The following ZNFX1 variants were observed in gnomAD, a reference collection of about 807,000 sequenced individuals.
The protein encoded by ZNFX1 is zinc finger NFX1-type containing 1.
ZNFX1 carries 78 observed loss-of-function variants against 179.8 expected under a neutral mutation model. That is an observed-to-expected ratio of 0.43 (90% confidence interval 0.36 to 0.52). The LOEUF is 0.52. Among genes scored for constraint, ZNFX1 ranks in the 20% least tolerant of loss-of-function variants. ZNFX1 has a pLI of 0.00. For synonymous variants in ZNFX1, 848 were observed against 868.5 expected, an observed-to-expected ratio of 0.98 and a Z score of 0.42; for missense variants, 1,927 against 2,386.6, an observed-to-expected ratio of 0.81 and a Z score of 4.01.
intron 4 of ZNFX1, 52 bp from the exon 5 acceptor site, chr20:49,264,916 C>G: frequency 6.2e-7 from 1 of 1,612,770 alleles, no homozygotes; most frequent in Non-Finnish European, 8.5e-7. Context: ...ATGCTAGGTT[C>G]TCTCAGGTGA....
chr20:49,269,054 T>C (rs185590233), intron 3 of ZNFX1, among the ~76,000 whole-genome samples: 1 of 152,324 alleles, frequency 6.6e-6, no homozygotes, highest in East Asian at 1.9e-4. Context: ...GACACATGCA[T>C]ATGCATGTTC....
chr20:49,255,042 CTT>C (rs529416151), intron 9 of ZNFX1, among the ~76,000 whole-genome samples: 8 of 137,124 alleles, frequency 5.8e-5, no homozygotes, highest in Admixed American at 2.2e-4. Context: ...CTTTCTACTA[CTT>C]TTTTTTTTTT....
At position 49,263,349 on chromosome 20, in the gene ZNFX1, C is replaced by T; in HGVS notation, c.2286G>A (p.Met762Ile). ...TGACCCCTACCTGCACTGGTCCATT[C>T]ATGAGACTTTCCCAGTGCTGGGGTG... Reference protein sequence around the residue: ...YISPQHWESLMNGPVQDSEWI... With the variant: ...YISPQHWESLINGPVQDSEWI... The change falls in exon 6 of 14, where the codon ATG (methionine) becomes ATA (isoleucine). Residue 762 changes from methionine to isoleucine, a missense_variant. Met to Ile is a conservative substitution (Grantham distance 10). Coordinates refer to ENST00000396105, the MANE Select transcript of ZNFX1 (RefSeq NM_021035.3). 6.2e-7 allele frequency: 1 copy of T among 1,613,514 alleles called. No individual in the cohort carries two copies. Among genetic ancestry groups the T allele is most frequent in the Non-Finnish European group, 8.5e-7 (1 of 1,180,024 alleles).
intron 8 of ZNFX1, 140 bp downstream of exon 8, chr20:49,257,277 C>T: frequency 8.2e-7 from 1 of 1,219,674 alleles, no homozygotes. Context: ...ATCACTAAAG[C>T]CATCTCATAC....
chr20:49,275,603 C>A (rs78267007), intron 2 of ZNFX1, among the ~76,000 whole-genome samples, 176 bp downstream of exon 2: 1 of 152,138 alleles, frequency 6.6e-6, no homozygotes, highest in Non-Finnish European at 1.5e-5. Context: ...ACAATCCTCC[C>A]GCCTCAGGCT....
Position 49,249,616 on chromosome 20 carries a change from A to G in ZNFX1, c.3408T>C (p.Phe1136=). The G allele has an allele frequency of 6.2e-7, 1 of 1,614,236 alleles. No homozygotes were observed. Among genetic ancestry groups the G allele is most frequent in the Non-Finnish European group, 8.5e-7 (1 of 1,180,042 alleles). The change falls in exon 14 of 14, where the codon TTT becomes TTC. Residue 1136 remains phenylalanine (F), a synonymous_variant. Transcript: ENST00000396105. ...KSHQNQHEAH[F]VVELCKYFLC... ...GGAAGTACTTGCACAGCTCTACCAC[A>G]AAGTGAGCCTCATGCTGGTTCTGAT...
intron 3 of ZNFX1, among the ~76,000 whole-genome samples, chr20:49,269,413 G>A (rs1419735459): frequency 4.6e-5 from 7 of 152,258 alleles, no homozygotes; most frequent in African/African-American, 9.6e-5. Context: ...TGAGTGCAGC[G>A]GCTCACACCT....
In ZNFX1 at chr20:49,275,959, A is replaced by G. The variant is rs1340685563; in HGVS notation, c.-48-72T>C. The G allele has an allele frequency of 2.4e-5, 22 of 901,782 alleles. No homozygotes were observed. The East Asian group carries it at 5.2e-4, about 21-fold the overall frequency. The allele number at this position is 901,782 out of a possible 1,614,324, so 55.9% of individuals were successfully genotyped here. On this transcript the variant is annotated intron_variant, in intron 1 of 13. Transcript: ENST00000396105. Reference sequence around the variant, plus strand: ...GCAAAAACCCAAACACCATCAAGCCAGTCCTTCTGCCTTTGTTAACATTTT... The same window carrying G: ...GCAAAAACCCAAACACCATCAAGCCGGTCCTTCTGCCTTTGTTAACATTTT...
chr20:49,269,809 C>A, intron 3 of ZNFX1, 133 bp downstream of exon 3: 1 of 1,083,152 alleles, frequency 9.2e-7, no homozygotes, highest in Non-Finnish European at 1.3e-6. Context: ...GCACATGTAC[C>A]CCTAAACCTA....
intron 3 of ZNFX1, among the ~76,000 whole-genome samples, chr20:49,268,796 T>G (rs1981308987): frequency 6.6e-6 from 1 of 152,106 alleles, no homozygotes; most frequent in Non-Finnish European, 1.5e-5. Flanking sequence ...ACAATGAGAT[T>G]CCATCTCACA....
intron 13 of ZNFX1, 87 bp from the exon 14 acceptor site, chr20:49,249,798 CT>C (rs1161834921): frequency 1.5e-5 from 22 of 1,436,012 alleles, no homozygotes. Flanking sequence ...TGGCCACTTA[CT>C]CTGCTCCAGA....
At chr20:49,261,111 A>G (rs1371382257) in intron 6 of ZNFX1, among the ~76,000 whole-genome samples, 2 of 152,072 alleles carry the variant, frequency 1.3e-5, no homozygotes, top group Admixed American at 1.3e-4. Context: ...GCATGCACAT[A>G]TAATCCCAGT....
At position 49,249,401 on chromosome 20, in the gene ZNFX1, A is replaced by C; in HGVS notation, c.3623T>G (p.Val1208Gly). 1 of 1,614,192 alleles carries C rather than the reference A, an allele frequency of 6.2e-7. No homozygotes were observed. The highest frequency in any genetic ancestry group is 8.5e-7 in the Non-Finnish European group (1 of 1,180,032). Residue 1208 changes from valine (V) to glycine (G), a missense_variant, in exon 14 of 14, where the codon GTG becomes GGG. Transcript: ENST00000396105. ...GCGGTTGGATATCTGCAGAAAACCC[A>C]CCTTGCCTTCTTGGTTGCTCCGCAC... is the stretch of plus-strand genomic sequence containing the variant. ...SLVRSNQEGK[V>G]GFLQISNRIC...
In ZNFX1 at chr20:49,247,924, A is replaced by G. The variant is rs1980721284; in HGVS notation, c.5100T>C (p.Gly1700=). ...AQKNLSVKDL[G]LVENYISFYD... ...AGAAGCTGATGTAATTCTCAACCAG[A>G]CCCAGGTCCTTCACTGACAGATTTT... The change falls in exon 14 of 14, where the codon GGT becomes GGC. Residue 1700 remains glycine (G), a synonymous_variant. Coordinates refer to ENST00000396105, the MANE Select transcript of ZNFX1 (RefSeq NM_021035.3). 1 of 1,613,970 alleles carries G rather than the reference A, an allele frequency of 6.2e-7. No individual in the cohort carries two copies. Among genetic ancestry groups the G allele is most frequent in the Non-Finnish European group, 8.5e-7 (1 of 1,179,986 alleles).
At chr20:49,265,545 T>C (rs1981214932) in intron 4 of ZNFX1, among the ~76,000 whole-genome samples, 1 of 152,154 alleles carries the variant, frequency 6.6e-6, no homozygotes, top group South Asian at 2.1e-4. Context: ...AATAAAGATT[T>C]ATCTAGGTGA....
chr20:49,253,011 G>A (rs1980882525), intron 11 of ZNFX1, among the ~76,000 whole-genome samples, 181 bp from the exon 12 acceptor site: 1 of 152,156 alleles, frequency 6.6e-6, no homozygotes, highest in African/African-American at 2.4e-5. Context: ...TAGAACTAAA[G>A]GTGATATGAC....
chr20:49,252,647 T>C, intron 12 of ZNFX1, 73 bp downstream of exon 12: 1 of 1,061,046 alleles, frequency 9.4e-7, no homozygotes, highest in Non-Finnish European at 1.5e-6. Flanking sequence ...TGAGACCTCT[T>C]TTGCTGGCAA....
intron 2 of ZNFX1, among the ~76,000 whole-genome samples, chr20:49,273,349 G>A (rs532781389): frequency 6.6e-6 from 1 of 152,018 alleles, no homozygotes; most frequent in South Asian, 2.1e-4. Context: ...AGCCTCGATG[G>A]TCTCAATCTC....
chr20:49,261,196 T>C (rs949694698), intron 6 of ZNFX1, among the ~76,000 whole-genome samples: 2 of 152,178 alleles, frequency 1.3e-5, no homozygotes, highest in African/African-American at 4.8e-5. Context: ...ATTATGCCAC[T>C]GCCCTCCAGC....
Sources: gnomAD v4.1 joint callset for allele counts (sites outside exome capture counted in the v4.1 genomes callset) on GRCh38, gnomAD v4.1.1 for gene constraint, MANE v1.5 for transcripts, NCBI Gene and HGNC (gene_info 2026-07-23, HGNC 2026-07-21) for gene names.